Variants in AKAP9 observed in about 807,000 individuals in gnomAD.
AKAP9 encodes the protein A-kinase anchoring protein 9.
In AKAP9, 311 loss-of-function variants were observed where a neutral mutation model predicts 488.5. The ratio of observed to expected loss-of-function variants is 0.64; its 90% CI spans 0.58 to 0.70. The LOEUF (loss-of-function observed/expected upper bound fraction) is 0.70. AKAP9 is among the 30% of genes least tolerant of loss of function. AKAP9 has a pLI of 0.00. For synonymous variants in AKAP9, 1,462 were observed against 1,483.5 expected (o/e 0.99, Z 0.33); for missense variants, 4,215 against 4,374.5 (o/e 0.96, Z 1.03).
chr7:92,080,073 A>G lies in AKAP9; in HGVS notation c.7940A>G (p.Gln2647Arg). ...LEKEKKLLEL[Q>R]KLLEGNEKKQ... ...AAAGAAAAGAAGCTGCTAGAACTAC[A>G]GAAGCTATTGGAGGGCAATGAGAAA... The change falls in exon 31 of 50, where the codon CAG becomes CGG. Residue 2647 changes from glutamine to arginine, a missense_variant. By Grantham distance (43) the Gln-to-Arg change is conservative. Transcript: ENST00000356239. 1 of 1,575,572 alleles carries G rather than the reference A, an allele frequency of 6.3e-7. No homozygotes were observed. Among genetic ancestry groups the G allele is most frequent in the South Asian group, 1.2e-5 (1 of 83,700 alleles).
intron 3 of AKAP9, among the ~76,000 whole-genome samples, chr7:91,988,554 A>T (rs1221731613): frequency 1.3e-5 from 2 of 152,196 alleles, no homozygotes; most frequent in Admixed American, 6.5e-5. Context: ...AAGTTTAATA[A>T]TCTTGGCAGA....
At position 92,040,683 on chromosome 7, in the gene AKAP9, G is replaced by A; in HGVS notation, c.4702G>A (p.Glu1568Lys). The A allele has an allele frequency of 7.5e-7, 1 of 1,340,420 alleles. No individual in the cohort carries two copies. Among genetic ancestry groups the A allele is most frequent in the Non-Finnish European group, 1.1e-6 (1 of 946,316 alleles). 83.0% of individuals were successfully genotyped at this position (1,340,420 alleles called of 1,614,324 possible). ...TTTTTTACTATTAAAGATTCATGAT[G>A]AGATTTCAGTGTCAAGCATGGATGC... ...TFIVRQSIHD[E>K]ISVSSMDASR... The change falls in exon 18 of 50, where the codon GAG (glutamate) becomes AAG (lysine). Residue 1568 changes from glutamate (E) to lysine (K), a missense_variant. By Grantham distance (56) the Glu-to-Lys change is moderately conservative. Transcript: ENST00000356239.
intron 20 of AKAP9, 170 bp downstream of exon 20, chr7:92,042,941 G>A (rs1806361580): frequency 4.4e-6 from 2 of 458,384 alleles, no homozygotes; most frequent in Non-Finnish European, 7.8e-6. Context: ...AGGATTTTCA[G>A]TTTTTCATCA....
chr7:92,095,908 G>T (rs1331741621), intron 40 of AKAP9, among the ~76,000 whole-genome samples: 2 of 152,156 alleles, frequency 1.3e-5, no homozygotes, highest in Admixed American at 1.3e-4. Flanking sequence ...AAAAGTTTAT[G>T]TATATTTTGA....
intron 46 of AKAP9, among the ~76,000 whole-genome samples, chr7:92,103,507 A>G (rs1392554383): frequency 6.6e-6 from 1 of 151,268 alleles, no homozygotes; most frequent in Non-Finnish European, 1.5e-5. Flanking sequence ...CATCCTGGCT[A>G]TGCTGAAACC....
chr7:92,008,076 G>C (rs1304056164), intron 8 of AKAP9, among the ~76,000 whole-genome samples: 1 of 152,158 alleles, frequency 6.6e-6, no homozygotes, highest in Non-Finnish European at 1.5e-5. Context: ...TTTATTATTT[G>C]AAAACACTAG....
intron 22 of AKAP9, 29 bp downstream of exon 22, chr7:92,052,987 T>TTCAAACTCAGTACATATTA: frequency 6.4e-7 from 1 of 1,552,872 alleles, no homozygotes; most frequent in Non-Finnish European, 8.9e-7. Flanking sequence ...TAATATGTAC[T>TTCAAACTCAGTACATATTA]GAGTTTGAAG....
chr7:92,027,752 T>C (rs1252209454), intron 14 of AKAP9, among the ~76,000 whole-genome samples: 1 of 152,130 alleles, frequency 6.6e-6, no homozygotes, highest in Non-Finnish European at 1.5e-5. Flanking sequence ...CTTCCAAGTG[T>C]GAAGTGACAG....
intron 19 of AKAP9, 121 bp downstream of exon 19, chr7:92,042,307 T>G: frequency 7.6e-7 from 1 of 1,315,944 alleles, no homozygotes; most frequent in East Asian, 2.4e-5. Flanking sequence ...TATTTGTGAC[T>G]GCATGTGTGT....
At chr7:91,969,557 A>G (rs1034595947) in intron 1 of AKAP9, among the ~76,000 whole-genome samples, 2 of 152,142 alleles carry the variant, frequency 1.3e-5, no homozygotes, top group African/African-American at 2.4e-5. Flanking sequence ...CTTTAGATCT[A>G]TTAATACTTG....
In AKAP9 at chr7:92,065,225, A is replaced by G; in HGVS notation, c.5978-6A>G. 1 of 1,541,364 alleles carries G rather than the reference A, an allele frequency of 6.5e-7. No homozygotes were observed. The highest frequency in any genetic ancestry group is 8.9e-7 in the Non-Finnish European group (1 of 1,117,710). Reference sequence around the variant, plus strand: ...TTAATTCAGTATATTTTGTATTAATAAACAGAATTACTACAGGAGACAGAA... The same window carrying G: ...TTAATTCAGTATATTTTGTATTAATGAACAGAATTACTACAGGAGACAGAA... On this transcript the variant is annotated splice_region_variant and splice_polypyrimidine_tract_variant and intron_variant, in intron 24 of 49. Transcript: ENST00000356239.
intron 21 of AKAP9, among the ~76,000 whole-genome samples, chr7:92,045,501 C>A (rs937900009): frequency 3.3e-5 from 5 of 152,068 alleles, no homozygotes; most frequent in Non-Finnish European, 5.9e-5. Context: ...TATATCAGCA[C>A]TTAGTACTCT....
In AKAP9 at chr7:92,003,176, A is replaced by C; in HGVS notation, c.3259A>C (p.Thr1087Pro). ...AACAAAGGAATCATCACTTAGAGCA[A>C]CTCAACCAAGTGAAAATGATAAACT... is the stretch of plus-strand genomic sequence containing the variant. Reference protein sequence around the residue: ...SVTKESSLRATQPSENDKLQK... With the variant: ...SVTKESSLRAPQPSENDKLQK... The change falls in exon 8 of 50, where the codon ACT becomes CCT. Residue 1087 changes from threonine to proline, a missense_variant. Thr to Pro is a conservative substitution (Grantham distance 38, BLOSUM62 -1). Coordinates refer to ENST00000356239, the MANE Select transcript of AKAP9 (RefSeq NM_005751.5). 1 of 1,611,676 alleles carries C rather than the reference A, an allele frequency of 6.2e-7. No individual in the cohort carries two copies. Among genetic ancestry groups the C allele is most frequent in the Non-Finnish European group, 8.5e-7 (1 of 1,178,732 alleles).
chr7:92,067,405 G>A lies in AKAP9; in HGVS notation c.6330+859G>A, dbSNP rs572080869. Among the ~76,000 whole-genome samples the A allele has an allele frequency of 7.9e-5, 12 of 152,232 alleles. No homozygotes were observed. The East Asian group carries it at 2.3e-3, about 29-fold the overall frequency. ...TTTCTTCTTCATCTCAGTAAATTCT[G>A]TACCTTCTAACCTGCCCCATTGCTG... On this transcript the variant is annotated intron_variant, in intron 26 of 49. Transcript: ENST00000356239.
chr7:92,039,885 G>GA (rs1805780178), intron 17 of AKAP9, among the ~76,000 whole-genome samples: 1 of 152,186 alleles, frequency 6.6e-6, no homozygotes, highest in African/African-American at 2.4e-5. Context: ...TGAGGCAGAG[G>GA]AATCACTTGA....
rs1364779899 is a variant in AKAP9, at chr7:92,034,496, A to ATTT, written c.4338+2893_4338+2894insTTT. Among the ~76,000 whole-genome samples, 459 of 103,910 alleles carry ATTT rather than the reference A, an allele frequency of 4.4e-3. 1 individual carries two copies. The highest frequency in any genetic ancestry group is 6.1e-3 in the Non-Finnish European group (324 of 53,496). 68.2% of individuals were successfully genotyped at this position (103,910 alleles called of 152,430 possible). ...TGTATATATCTATATATATATATAT[A>ATTT]TATTTTTTTTTTTTTTTTTTTTTGA... On this transcript the variant is annotated intron_variant, in intron 16 of 49. Coordinates refer to ENST00000356239, the MANE Select transcript of AKAP9 (RefSeq NM_005751.5).
At chr7:91,943,976 T>C (rs1036892938) in intron 1 of AKAP9, among the ~76,000 whole-genome samples, 1 of 152,224 alleles carries the variant, frequency 6.6e-6, no homozygotes, top group East Asian at 1.9e-4. Flanking sequence ...GGTAATTTAT[T>C]GATAAACAGT....
intron 1 of AKAP9, 101 bp downstream of exon 1, chr7:91,941,248 T>C: frequency 1.7e-6 from 2 of 1,157,770 alleles, no homozygotes; most frequent in Non-Finnish European, 2.6e-6. Flanking sequence ...CCCAGTGCAC[T>C]GCCCGAGAGG....
At position 92,070,033 on chromosome 7, in the gene AKAP9, G is replaced by T; in HGVS notation, c.6334G>T (p.Glu2112Ter). ...PISEHQTREV[E>*]QLANHLKEKT... ...TTTTTTGCCTCTTATATTTCAGGTT[G>T]AACAGTTAGCAAATCATCTGAAAGA... The change falls in exon 27 of 50, where the codon GAA (glutamate) becomes TAA (stop). Residue 2112 changes from glutamate (E) to a stop codon, truncating the protein, a stop_gained. Transcript: ENST00000356239. LOFTEE classifies it high-confidence loss of function. 6.2e-7 allele frequency: 1 copy of T among 1,612,068 alleles called. No homozygotes were observed.
Sources: allele counts gnomAD v4.1 joint callset (sites outside exome capture counted in the v4.1 genomes callset), GRCh38; gene constraint gnomAD v4.1.1; transcripts MANE v1.5; gene names NCBI Gene and HGNC (gene_info 2026-07-23, HGNC 2026-07-21).